The following DNHD1 variants were observed in gnomAD, a reference collection of about 807,000 sequenced individuals.
DNHD1 encodes the protein dynein heavy chain domain 1.
Under a neutral mutation model 458.1 loss-of-function variants are expected in DNHD1, and 383 were observed. The observed-to-expected ratio is 0.84, with a 90% CI of 0.77 to 0.91. DNHD1 has a LOEUF of 0.91. Ranked by LOEUF, DNHD1 falls within the 40% of genes least tolerant of loss-of-function variation. DNHD1 has a pLI of 0.00. For missense variants in DNHD1, 5,336 were observed against 5,866.1 expected (o/e 0.91, Z 2.95); for synonymous variants, 2,203 against 2,376.9 (o/e 0.93, Z 2.13).
rs1460093983 is a variant in DNHD1 at position 6,571,370 on chromosome 11, A to G, written c.13858A>G (p.Ser4620Gly). The change falls in exon 42 of 43, where the codon AGT becomes GGT. Residue 4620 changes from serine (S) to glycine (G), a missense_variant. Physicochemically the swap from Ser to Gly is moderately conservative, Grantham distance 56. Transcript: ENST00000254579. This position sits in a 1 kb window ranked among gnomAD's most constrained non-coding sequence, Gnocchi z 5.0. ...NFPGSRGSVS[S>G]QLQYKRLEMN... is the part of the protein sequence containing the mutation. ...CCCTGGTAGCCGAGGCTCGGTCTCC[A>G]GTCAGCTCCAGTATAAACGTCTGGA... The G allele has an allele frequency of 1.2e-6, 2 of 1,612,038 alleles. No individual in the cohort carries two copies. The highest frequency in any genetic ancestry group is 2.7e-5 in the African/African-American group (2 of 74,878).
chr11:6,519,983 TTTC>T lies in DNHD1; in HGVS notation c.1668_1670del (p.Leu557del). On this transcript the variant is annotated inframe_deletion, in exon 9 of 43. Coordinates refer to ENST00000254579, the MANE Select transcript of DNHD1 (RefSeq NM_144666.3). ...TTTACAGGCCCCAAGGCAGAAACCC[TTTC>T]TCTCATCACAGCTGGTCTTTGATGA... 6.2e-7 allele frequency: 1 copy of T among 1,614,176 alleles called. No homozygotes were observed. The highest frequency in any genetic ancestry group is 1.1e-5 in the South Asian group (1 of 91,076).
chr11:6,546,095 C>T lies in DNHD1; in HGVS notation c.5156C>T (p.Ala1719Val), dbSNP rs1284709164. The change falls in exon 21 of 43, where the codon GCT becomes GTT. Residue 1719 changes from alanine (A) to valine (V), a missense_variant. This residue lies in a region of DNHD1 where 3,932 missense variants were observed against 4,365.6 expected (regional missense o/e 0.90). Transcript: ENST00000254579. ...VMLPCSPQIE[A>V]QCLSNYLNGA... is the part of the protein sequence containing the mutation. ...CTACCCTGCTCACCTCAGATAGAGG[C>T]TCAATGCCTGAGCAACTATCTGAAT... The T allele has an allele frequency of 4.5e-6, 7 of 1,551,460 alleles. No homozygotes were observed. The Admixed American group carries it at 5.9e-5, about 13-fold the overall frequency.
intron 31 of DNHD1, 65 bp downstream of exon 31, chr11:6,564,189 T>C: frequency 6.6e-7 from 1 of 1,505,192 alleles, no homozygotes; most frequent in Non-Finnish European, 8.9e-7. Context: ...TGCTCCTCCC[T>C]GTGCCCTCAC....
intron 24 of DNHD1, among the ~76,000 whole-genome samples, chr11:6,551,967 G>A (rs1039957399): frequency 6.7e-6 from 1 of 149,426 alleles, no homozygotes. Context: ...AGCCAGGCAT[G>A]GTGGCATGCA....
In DNHD1 at chr11:6,539,253, C is replaced by A. The variant is rs1417999549; in HGVS notation, c.3360C>A (p.Leu1120=). Residue 1120 remains leucine, a synonymous_variant, in exon 17 of 43, where the codon CTC becomes CTA. Transcript: ENST00000254579. ...TGGGCAGTCTCCAAACTATAGAACT[C>A]CTAACGCTGGGCCAGCTGCTTACTT... ...LGLGSLQTIE[L]LTLGQLLTYP... The A allele has an allele frequency of 2.1e-5, 33 of 1,551,636 alleles. No homozygotes were observed. The highest frequency in any genetic ancestry group is 2.6e-5 in the Non-Finnish European group (30 of 1,146,980).
rs563770705 is a variant in DNHD1 at position 6,570,684 on chromosome 11, A to C, written c.13172A>C (p.Glu4391Ala). 1.4e-5 allele frequency: 22 copies of C among 1,612,032 alleles called. No homozygotes were observed. The African/African-American group carries it at 2.0e-4, about 15-fold the overall frequency. ...ATGCACCTACTGCCCTCACCACCTG[A>C]ACCCCGGCTCTGCGGACTGAGTGAG... ...AQMHLLPSPPEPRLCGLSEGP... is the reference protein window; with the variant it reads ...AQMHLLPSPPAPRLCGLSEGP... The change falls in exon 42 of 43, where the codon GAA (glutamate) becomes GCA (alanine). Residue 4391 changes from glutamate to alanine, a missense_variant. Glu to Ala is a moderately radical substitution (Grantham distance 107, BLOSUM62 -1). Around this residue, in one of 4 missense-constraint regions of DNHD1, gnomAD observed 698 missense variants for 664.9 expected, o/e 1.05. Coordinates refer to ENST00000254579, the MANE Select transcript of DNHD1 (RefSeq NM_144666.3).
chr11:6,524,591 G>A lies in DNHD1; in HGVS notation c.1838-3931G>A, dbSNP rs144738878. Among the ~76,000 whole-genome samples, 32 of 152,308 alleles carry A rather than the reference G, an allele frequency of 2.1e-4. No individual in the cohort carries two copies. In the East Asian group the frequency reaches 6.0e-3, roughly 28 times the overall value. ...GAGTATGATTGATTCAGCTTCTCCTGTAGATTGCATGCTTTATTCATAAGC... is the reference window on the plus strand; with the variant it reads ...GAGTATGATTGATTCAGCTTCTCCTATAGATTGCATGCTTTATTCATAAGC... On this transcript the variant is annotated intron_variant, in intron 10 of 42. Coordinates refer to ENST00000254579, the MANE Select transcript of DNHD1 (RefSeq NM_144666.3).
intron 28 of DNHD1, among the ~76,000 whole-genome samples, 187 bp from the exon 29 acceptor site, chr11:6,562,795 G>C (rs560068051): frequency 6.6e-6 from 1 of 152,190 alleles, no homozygotes; most frequent in African/African-American, 2.4e-5. Flanking sequence ...TGCGTTACTA[G>C]ATATATAACT....
rs1398900100 is a variant in DNHD1, at chr11:6,498,377, G to A, written c.162G>A (p.Gln54=). ...QFVKPVTESE[Q]PTVLELLLAE... The stretch of plus-strand genomic sequence containing the variant: ...TGAAGCCAGTGACTGAGTCAGAGCA[G>A]CCCACAGTGCTGGAACTCCTGCTAG... Residue 54 remains glutamine (Q), a synonymous_variant, in exon 3 of 43, where the codon CAG becomes CAA. Coordinates refer to ENST00000254579, the MANE Select transcript of DNHD1 (RefSeq NM_144666.3). 2 of 1,614,118 alleles carry A rather than the reference G, an allele frequency of 1.2e-6. No individual in the cohort carries two copies. Among genetic ancestry groups the A allele is most frequent in the Non-Finnish European group, 1.7e-6 (2 of 1,180,044 alleles).
rs1223829232 is a variant in DNHD1, at chr11:6,563,462, A to G, written c.9750A>G (p.Pro3250=). 1 of 1,551,702 alleles carries G rather than the reference A, an allele frequency of 6.4e-7. No individual in the cohort carries two copies. Among genetic ancestry groups the G allele is most frequent in the African/African-American group, 1.4e-5 (1 of 73,172 alleles). ...FEEIRSYRAP[P]ESVVRVTDAM... ...AGATACGGAGCTATCGAGCACCACC[A>G]GAATCTGTGGTCCGGGTAACTGATG... Residue 3250 remains proline (P), a synonymous_variant, in exon 30 of 43, where the codon CCA becomes CCG. Coordinates refer to ENST00000254579, the MANE Select transcript of DNHD1 (RefSeq NM_144666.3).
Position 6,568,451 on chromosome 11 carries a change from T to C in DNHD1, c.12539-3T>C. 1.2e-6 allele frequency: 2 copies of C among 1,613,306 alleles called. No homozygotes were observed. Among genetic ancestry groups the C allele is most frequent in the Non-Finnish European group, 1.7e-6 (2 of 1,179,890 alleles). On this transcript the variant is annotated splice_polypyrimidine_tract_variant and splice_region_variant and intron_variant, in intron 37 of 42. Coordinates refer to ENST00000254579, the MANE Select transcript of DNHD1 (RefSeq NM_144666.3). ...CTGATCTCAGACCCTTGTCTGACTC[T>C]AGTGGTTGCAGACCTGGAATCAGAA...
Position 6,563,756 on chromosome 11 carries a change from C to A in DNHD1, c.9916C>A (p.Leu3306Met). Residue 3306 changes from leucine to methionine, a missense_variant, in exon 31 of 43, where the codon CTG (leucine) becomes ATG (methionine). Physicochemically the swap from Leu to Met is conservative, Grantham distance 15 (BLOSUM62 2). Coordinates refer to ENST00000254579, the MANE Select transcript of DNHD1 (RefSeq NM_144666.3). ...AGAGCTGATAAAGTTACATCTAATTCTGAAGGCTCCAGGTATGGACGATGC... is the reference window on the plus strand; with the variant it reads ...AGAGCTGATAAAGTTACATCTAATTATGAAGGCTCCAGGTATGGACGATGC... ...DSELIKLHLI[L>M]KAPGMDDAAL... 6.4e-7 allele frequency: 1 copy of A among 1,551,240 alleles called. No homozygotes were observed. Among genetic ancestry groups the A allele is most frequent in the Non-Finnish European group, 8.7e-7 (1 of 1,146,834 alleles).
chr11:6,509,385 C>A (rs1852293123), intron 6 of DNHD1, 113 bp downstream of exon 6: 1 of 885,276 alleles, frequency 1.1e-6, no homozygotes, highest in Admixed American at 2.9e-5. Context: ...TAAGAAAAAA[C>A]CTTTAATCCT....
At chr11:6,569,482 CA>C (rs1389703809) in intron 39 of DNHD1, among the ~76,000 whole-genome samples, 7 of 137,688 alleles carry the variant, frequency 5.1e-5, no homozygotes, top group African/African-American at 1.4e-4. Flanking sequence ...GACTCTGTCT[CA>C]AAAAAAAAAG....
chr11:6,500,997 G>T (rs979944426), intron 3 of DNHD1, among the ~76,000 whole-genome samples: 7 of 152,026 alleles, frequency 4.6e-5, no homozygotes, highest in East Asian at 1.9e-4. Flanking sequence ...GAAAGCATGT[G>T]GGGGGAGTGT....
chr11:6,554,895 T>C (rs1164720294), intron 24 of DNHD1, among the ~76,000 whole-genome samples: 1 of 152,212 alleles, frequency 6.6e-6, no homozygotes, highest in Non-Finnish European at 1.5e-5. Flanking sequence ...AATTCCACTC[T>C]TAGGTATTCA....
chr11:6,521,594 A>G (rs957798371), intron 10 of DNHD1, among the ~76,000 whole-genome samples: 3 of 152,238 alleles, frequency 2.0e-5, no homozygotes, highest in Non-Finnish European at 4.4e-5. Flanking sequence ...CAAAATGTTA[A>G]TAATTGTTGA....
intron 7 of DNHD1, among the ~76,000 whole-genome samples, chr11:6,512,207 CTTTCTTTTTTTTTTTTT>C (rs1425758546): frequency 9.4e-6 from 1 of 106,842 alleles, no homozygotes; most frequent in Non-Finnish European, 1.9e-5. Flanking sequence ...TTTTCTTTTT[CTTTCTTTTTTTTTTTTT>C]TTTTTTTTTT....
rs1853555482 is a variant in DNHD1 at position 6,560,106 on chromosome 11, GT to G, written c.9519+828del. On this transcript the variant is annotated intron_variant, in intron 28 of 42. Transcript: ENST00000254579. ...TCTTCCCAAACTAAAGAGCAGTTTT[GT>G]TTTTAATAAGAAGAATTCTAAAATA... 2.0e-5 allele frequency among the ~76,000 whole-genome samples: 3 copies of G among 152,288 alleles called. No individual in the cohort carries two copies. The South Asian group carries it at 6.2e-4, about 32-fold the overall frequency.
Sources: gnomAD v4.1 joint callset for allele counts (sites outside exome capture counted in the v4.1 genomes callset) on GRCh38, gnomAD v4.1.1 for gene constraint, gnomAD v4.1.1 regional missense constraint, Gnocchi (gnomAD v3.1) non-coding constraint, MANE v1.5 for transcripts, NCBI Gene and HGNC (gene_info 2026-07-23, HGNC 2026-07-21) for gene names.